Variants in PTPRD observed in about 807,000 individuals in gnomAD.
PTPRD encodes protein tyrosine phosphatase receptor type D.
A neutral mutation model predicts 214.5 loss-of-function variants in PTPRD; 34 were observed. The ratio of observed to expected loss-of-function variants is 0.16; its 90% CI spans 0.12 to 0.21. The LOEUF (loss-of-function observed/expected upper bound fraction) is 0.21. Among genes scored for constraint, PTPRD ranks in the 10% least tolerant of loss-of-function variants. The pLI, the probability that PTPRD is intolerant of heterozygous loss-of-function variation, is 1.00. For synonymous variants in PTPRD, 1,128 were observed against 845.7 expected, an observed-to-expected ratio of 1.33 and a Z score of -5.79; for missense variants, 2,545 against 2,398.7, an observed-to-expected ratio of 1.06 and a Z score of -1.27.
intron 2 of PTPRD, among the ~76,000 whole-genome samples, chr9:10,572,436 C>T (rs1472321343): frequency 6.6e-6 from 1 of 152,134 alleles, no homozygotes; most frequent in Non-Finnish European, 1.5e-5. Context: ...CTCAATATCA[C>T]ACTTTGAAGA....
chr9:8,586,690 C>G (rs1032058969), intron 14 of PTPRD, among the ~76,000 whole-genome samples: 1 of 152,240 alleles, frequency 6.6e-6, no homozygotes. Flanking sequence ...CCCCCAGTCA[C>G]TGTCTATGCC....
chr9:10,062,158 C>G (rs1232775414), intron 3 of PTPRD, among the ~76,000 whole-genome samples: 1 of 152,046 alleles, frequency 6.6e-6, no homozygotes, highest in Non-Finnish European at 1.5e-5. Context: ...ACAACCAGCT[C>G]AAAGGAGAAC....
At chr9:9,723,118 C>T (rs755757558) in intron 7 of PTPRD, among the ~76,000 whole-genome samples, 154 of 152,166 alleles carry the variant, frequency 1.0e-3, no homozygotes, top group Non-Finnish European at 5.7e-4. Context: ...CAAAGATTTA[C>T]TCCTATGTTT....
At chr9:9,140,581 C>CT (rs1277866832) in intron 10 of PTPRD, among the ~76,000 whole-genome samples, 1 of 152,082 alleles carries the variant, frequency 6.6e-6, no homozygotes, top group South Asian at 2.1e-4. Flanking sequence ...AGTGCTACAT[C>CT]TTTTTTTATT....
At chr9:10,504,871 G>A (rs77332315) in intron 2 of PTPRD, among the ~76,000 whole-genome samples, 14,987 of 152,130 alleles carry the variant, frequency 0.099, 989 homozygotes, top group African/African-American at 0.18. Context: ...TATATTAGGA[G>A]ATGGATGTGC....
intron 4 of PTPRD, among the ~76,000 whole-genome samples, chr9:10,006,847 T>C (rs1307435620): frequency 2.0e-5 from 3 of 152,096 alleles, no homozygotes; most frequent in Admixed American, 6.6e-5. Flanking sequence ...ACTGGTGTAA[T>C]AACCTTATGA....
intron 2 of PTPRD, among the ~76,000 whole-genome samples, chr9:10,566,765 A>G (rs2065763928): frequency 6.6e-6 from 1 of 152,010 alleles, no homozygotes; most frequent in Non-Finnish European, 1.5e-5. Context: ...ACCTTGAGTC[A>G]TGAAGATACT....
At chr9:9,135,589 A>C (rs2099849614) in intron 10 of PTPRD, among the ~76,000 whole-genome samples, 1 of 152,210 alleles carries the variant, frequency 6.6e-6, no homozygotes, top group Non-Finnish European at 1.5e-5. Flanking sequence ...GTGCGATAGG[A>C]GACACTAAAG....
At chr9:8,390,164 C>T (rs1179750519) in intron 36 of PTPRD, among the ~76,000 whole-genome samples, 5 of 152,180 alleles carry the variant, frequency 3.3e-5, no homozygotes, top group African/African-American at 1.2e-4. Context: ...TGTTCTCCAT[C>T]TAACATGAGA....
At chr9:10,291,801 G>A (rs540071521) in intron 3 of PTPRD, among the ~76,000 whole-genome samples, 32 of 152,150 alleles carry the variant, frequency 2.1e-4, no homozygotes, top group African/African-American at 7.5e-4. Context: ...GTGGAAATTT[G>A]TTGCAGAAGC....
intron 10 of PTPRD, among the ~76,000 whole-genome samples, chr9:9,124,888 G>A (rs1252348727): frequency 6.6e-6 from 1 of 152,118 alleles, no homozygotes; most frequent in East Asian, 1.9e-4. Flanking sequence ...GGACATACTT[G>A]ACAGCAGGAA....
chr9:8,812,335 T>C (rs1312273124), intron 11 of PTPRD, among the ~76,000 whole-genome samples: 1 of 152,216 alleles, frequency 6.6e-6, no homozygotes, highest in Non-Finnish European at 1.5e-5. Context: ...AATGGGTTCT[T>C]ATAGAAAATA....
intron 9 of PTPRD, among the ~76,000 whole-genome samples, chr9:9,322,605 C>T (rs1967046202): frequency 6.6e-6 from 1 of 152,144 alleles, no homozygotes; most frequent in African/African-American, 2.4e-5. Context: ...GTAACATATG[C>T]ATGTCAGGAT....
intron 10 of PTPRD, among the ~76,000 whole-genome samples, chr9:9,128,710 G>A (rs1275446986): frequency 2.0e-5 from 3 of 152,194 alleles, no homozygotes; most frequent in Non-Finnish European, 2.9e-5. Context: ...GGAGAACTCA[G>A]TATGATTAGA....
At chr9:9,400,698 G>T (rs2070011514) in intron 8 of PTPRD, among the ~76,000 whole-genome samples, 1 of 152,112 alleles carries the variant, frequency 6.6e-6, no homozygotes, top group Middle Eastern at 3.4e-3. Context: ...GAAGAAGGAA[G>T]ATACTGTAAA....
At chr9:10,583,778 A>G (rs2072932943) in intron 2 of PTPRD, among the ~76,000 whole-genome samples, 2 of 152,122 alleles carry the variant, frequency 1.3e-5, no homozygotes, top group African/African-American at 4.8e-5. Context: ...GCGCCCGGCC[A>G]CAGGTGTTCT....
At chr9:8,977,137 T>C (rs1475191108) in intron 11 of PTPRD, among the ~76,000 whole-genome samples, 2 of 152,126 alleles carry the variant, frequency 1.3e-5, no homozygotes, top group Non-Finnish European at 2.9e-5. Context: ...ATATCTCTGA[T>C]ATCTATTCTC....
chr9:9,076,666 G>C (rs1054251052), intron 10 of PTPRD, among the ~76,000 whole-genome samples: 1 of 151,920 alleles, frequency 6.6e-6, no homozygotes, highest in Non-Finnish European at 1.5e-5. Flanking sequence ...ACTCCACTGT[G>C]TGAATGTACA....
chr9:10,170,141 C>A (rs564440191), intron 3 of PTPRD, among the ~76,000 whole-genome samples: 15 of 152,106 alleles, frequency 9.9e-5, no homozygotes, highest in Admixed American at 3.9e-4. Context: ...ATGCATTTAT[C>A]ACATGCAGGC....
Sources: allele counts gnomAD v4.1 joint callset (sites outside exome capture counted in the v4.1 genomes callset), GRCh38; gene constraint gnomAD v4.1.1; transcripts MANE v1.5; gene names NCBI Gene and HGNC (gene_info 2026-07-23, HGNC 2026-07-21).